PARD3B: variants seen among roughly 807,000 people sequenced by gnomAD.
PARD3B encodes the protein partitioning defective 3 homolog B.
Under a neutral mutation model 130.2 loss-of-function variants are expected in PARD3B, and 103 were observed. The observed-to-expected ratio is 0.79, with a 90% CI of 0.67 to 0.93. The LOEUF is 0.93. Among genes scored for constraint, PARD3B ranks in the 40% least tolerant of loss-of-function variants. The pLI is 0.00. For missense variants in PARD3B, 1,609 were observed against 1,499.2 expected (o/e 1.07, Z -1.21); for synonymous variants, 583 against 553.2 (o/e 1.05, Z -0.76).
intron 2 of PARD3B, among the ~76,000 whole-genome samples, chr2:204,813,980 A>G (rs1220267902): frequency 6.6e-6 from 1 of 152,034 alleles, no homozygotes; most frequent in Non-Finnish European, 1.5e-5. Context: ...TAGAATCAGC[A>G]TGTCAATTTC....
intron 15 of PARD3B, among the ~76,000 whole-genome samples, chr2:205,215,011 C>T (rs558674466): frequency 3.9e-5 from 6 of 152,028 alleles, no homozygotes; most frequent in Middle Eastern, 3.4e-3. Context: ...TGATATGCTT[C>T]GTCATTAATG....
In PARD3B at chr2:204,991,658, T is replaced by G. The variant is rs1488654115; in HGVS notation, c.394+26335T>G. 9.3e-5 allele frequency among the ~76,000 whole-genome samples: 14 copies of G among 149,812 alleles called. No individual in the cohort carries two copies. The East Asian group carries it at 2.8e-3, about 30-fold the overall frequency. Reference sequence around the variant, plus strand: ...ATCCCTGAGGAATCGCCACACCGACTTCCACAATGGTTGAACTAGTTTACA... The same window carrying G: ...ATCCCTGAGGAATCGCCACACCGACGTCCACAATGGTTGAACTAGTTTACA... On this transcript the variant is annotated intron_variant, in intron 3 of 22. Coordinates refer to ENST00000406610, the MANE Select transcript of PARD3B (RefSeq NM_001302769.2).
chr2:205,331,755 C>T (rs2043137863), intron 18 of PARD3B, among the ~76,000 whole-genome samples: 1 of 115,246 alleles, frequency 8.7e-6, no homozygotes, highest in Non-Finnish European at 1.6e-5. Flanking sequence ...TCCACTCCAG[C>T]CTGGGCGACA....
chr2:205,092,553 C>T (rs754478686), intron 4 of PARD3B, among the ~76,000 whole-genome samples: 17 of 151,956 alleles, frequency 1.1e-4, no homozygotes, highest in Non-Finnish European at 1.9e-4. Context: ...AAGGAAATGC[C>T]GAAAGAAGAA....
intron 2 of PARD3B, among the ~76,000 whole-genome samples, chr2:204,888,296 T>C (rs2046329462): frequency 6.6e-6 from 1 of 152,074 alleles, no homozygotes; most frequent in Non-Finnish European, 1.5e-5. Flanking sequence ...GTGACAGTGA[T>C]GCAGAGTAAG....
intron 2 of PARD3B, among the ~76,000 whole-genome samples, chr2:204,909,765 G>T (rs1418809128): frequency 6.6e-6 from 1 of 152,132 alleles, no homozygotes; most frequent in East Asian, 1.9e-4. Context: ...TAAATGGTAG[G>T]AATATGGGTG....
chr2:205,030,502 T>C (rs1373548131), intron 3 of PARD3B, among the ~76,000 whole-genome samples: 1 of 152,154 alleles, frequency 6.6e-6, no homozygotes, highest in Non-Finnish European at 1.5e-5. Context: ...AAAATGAAAC[T>C]GTGGGCCCAC....
intron 15 of PARD3B, among the ~76,000 whole-genome samples, chr2:205,211,955 A>G (rs2037660990): frequency 6.6e-6 from 1 of 152,148 alleles, no homozygotes; most frequent in South Asian, 2.1e-4. Context: ...CATGTTTTCA[A>G]AATTTGGAAT....
chr2:205,423,895 A>C (rs2047057378), intron 19 of PARD3B, among the ~76,000 whole-genome samples: 1 of 152,104 alleles, frequency 6.6e-6, no homozygotes, highest in African/African-American at 2.4e-5. Context: ...TGATGAGAAC[A>C]CATAGAGGGG....
chr2:205,010,732 A>G (rs1261124465), intron 3 of PARD3B, among the ~76,000 whole-genome samples: 9 of 151,098 alleles, frequency 6.0e-5, no homozygotes, highest in East Asian at 1.9e-4. Context: ...CCAGACATGG[A>G]TTTTTTTTTC....
chr2:204,826,465 A>T (rs781163121), intron 2 of PARD3B, among the ~76,000 whole-genome samples: 4 of 152,100 alleles, frequency 2.6e-5, no homozygotes, highest in Non-Finnish European at 5.9e-5. Context: ...GTGATTTCCT[A>T]GGGGCAAAAA....
intron 1 of PARD3B, among the ~76,000 whole-genome samples, chr2:204,634,299 C>A (rs2034795027): frequency 6.6e-6 from 1 of 152,192 alleles, no homozygotes; most frequent in African/African-American, 2.4e-5. Context: ...CAGTTCCATT[C>A]ATGTTGTTGC....
At chr2:205,227,855 A>G (rs954397391) in intron 15 of PARD3B, among the ~76,000 whole-genome samples, 1 of 151,814 alleles carries the variant, frequency 6.6e-6, no homozygotes. Flanking sequence ...TATCCGTTGT[A>G]TGTTTTTGAT....
At chr2:205,483,197 C>T (rs1209687331) in intron 20 of PARD3B, among the ~76,000 whole-genome samples, 1 of 152,152 alleles carries the variant, frequency 6.6e-6, no homozygotes, top group Non-Finnish European at 1.5e-5. Context: ...CATTAATATT[C>T]ATAGGGAATG....
chr2:205,089,874 C>G (rs1701994372), intron 4 of PARD3B, among the ~76,000 whole-genome samples: 1 of 152,202 alleles, frequency 6.6e-6, no homozygotes, highest in Non-Finnish European at 1.5e-5. Flanking sequence ...AGGTCATCCA[C>G]AGAAAATTAA....
chr2:205,068,078 T>C (rs559787940), intron 4 of PARD3B, among the ~76,000 whole-genome samples: 1 of 152,194 alleles, frequency 6.6e-6, no homozygotes, highest in African/African-American at 2.4e-5. Flanking sequence ...TCTCCCATTA[T>C]CTGAAGCAAT....
At chr2:204,932,409 G>T (rs1324213340) in intron 2 of PARD3B, among the ~76,000 whole-genome samples, 2 of 151,810 alleles carry the variant, frequency 1.3e-5, no homozygotes, top group Non-Finnish European at 2.9e-5. Context: ...GCCTTTAATG[G>T]TCTCTGTTCA....
At chr2:204,855,551 AAAT>A (rs1052757850) in intron 2 of PARD3B, among the ~76,000 whole-genome samples, 20 of 135,752 alleles carry the variant, frequency 1.5e-4, no homozygotes, top group African/African-American at 5.7e-4. Flanking sequence ...AAAGAAAAAA[AAAT>A]ATATATATAT....
intron 22 of PARD3B, among the ~76,000 whole-genome samples, chr2:205,578,565 T>C (rs533723158): frequency 1.3e-5 from 2 of 152,312 alleles, no homozygotes; most frequent in South Asian, 4.1e-4. Flanking sequence ...CCTTACAAGA[T>C]AAAGTAATAT....
Sources: allele counts gnomAD v4.1 joint callset (sites outside exome capture counted in the v4.1 genomes callset), GRCh38; gene constraint gnomAD v4.1.1; transcripts MANE v1.5; gene names NCBI Gene and HGNC (gene_info 2026-07-23, HGNC 2026-07-21).